EPHA5: variants seen among roughly 807,000 people sequenced by gnomAD.
The protein encoded by EPHA5 is EPH receptor A5.
A neutral mutation model predicts 105.0 loss-of-function variants in EPHA5; 60 were observed. The ratio of observed to expected loss-of-function variants is 0.57; its 90% CI spans 0.46 to 0.71. EPHA5 has a LOEUF of 0.71. Among genes scored for constraint, EPHA5 ranks in the 30% least tolerant of loss-of-function variants. EPHA5 has a pLI of 0.00. For synonymous variants in EPHA5, 513 were observed against 449.1 expected (o/e 1.14, Z -1.80); for missense variants, 1,218 against 1,274.7 (o/e 0.96, Z 0.68).
At chr4:65,628,940 G>C (rs939940935) in intron 2 of EPHA5, among the ~76,000 whole-genome samples, 2 of 152,000 alleles carry the variant, frequency 1.3e-5, no homozygotes, top group African/African-American at 2.4e-5. Flanking sequence ...CTGTAGAGTA[G>C]AACATATGAA....
intron 2 of EPHA5, among the ~76,000 whole-genome samples, chr4:65,623,413 GC>G (rs5858975): frequency 0.23 from 34,337 of 151,694 alleles, 4,785 homozygotes; most frequent in Middle Eastern, 0.38. Context: ...TACTCACTAT[GC>G]TGTGGAGACA....
At chr4:65,480,510 T>C (rs1014711775) in intron 5 of EPHA5, among the ~76,000 whole-genome samples, 1 of 152,174 alleles carries the variant, frequency 6.6e-6, no homozygotes, top group African/African-American at 2.4e-5. Flanking sequence ...GTTCTCGTTT[T>C]TGGCTTTCTG....
At chr4:65,644,820 C>A (rs1747978916) in intron 1 of EPHA5, among the ~76,000 whole-genome samples, 1 of 151,656 alleles carries the variant, frequency 6.6e-6, no homozygotes, top group Admixed American at 6.6e-5. Context: ...AACTTAAAAT[C>A]TGTAGAAAAA....
At chr4:65,604,390 A>G (rs1744027334) in intron 2 of EPHA5, among the ~76,000 whole-genome samples, 1 of 152,226 alleles carries the variant, frequency 6.6e-6, no homozygotes, top group African/African-American at 2.4e-5. Flanking sequence ...GATGGAAACT[A>G]TAATTTTCTT....
chr4:65,501,959 C>A lies in EPHA5; in HGVS notation c.911-6416G>T, dbSNP rs188474938. ...CCAGAATAAAACTGCACACCTACAA[C>A]CTTTTGATCTTTTACAAAGCCAACA... On this transcript the variant is annotated intron_variant, in intron 3 of 16. Transcript: ENST00000613740. Among the ~76,000 whole-genome samples, 340 of 151,772 alleles carry A rather than the reference C, an allele frequency of 2.2e-3. 1 individual carries two copies. The highest frequency in any genetic ancestry group is 6.2e-3 in the African/African-American group (257 of 41,462).
intron 3 of EPHA5, among the ~76,000 whole-genome samples, chr4:65,582,367 C>A (rs1741710812): frequency 6.6e-6 from 1 of 151,112 alleles, no homozygotes; most frequent in South Asian, 2.1e-4. Context: ...AACTGTGCAT[C>A]AGATAAGCAA....
At chr4:65,465,381 G>A (rs767324207) in intron 5 of EPHA5, among the ~76,000 whole-genome samples, 2 of 151,302 alleles carry the variant, frequency 1.3e-5, no homozygotes, top group South Asian at 2.1e-4. Flanking sequence ...AGCCGAGATC[G>A]TGCCATTGCA....
intron 3 of EPHA5, among the ~76,000 whole-genome samples, chr4:65,497,784 T>A (rs1418557334): frequency 6.6e-6 from 1 of 152,000 alleles, no homozygotes; most frequent in Admixed American, 6.6e-5. Flanking sequence ...TTTGGAAATA[T>A]AAAATAATAT....
chr4:65,333,850 C>T (rs1029220490), intron 15 of EPHA5, among the ~76,000 whole-genome samples: 1 of 151,518 alleles, frequency 6.6e-6, no homozygotes, highest in South Asian at 2.1e-4. Context: ...CAAGACCACA[C>T]TCCTCATCTC....
intron 14 of EPHA5, among the ~76,000 whole-genome samples, chr4:65,344,355 A>G (rs1722017191): frequency 6.6e-6 from 1 of 152,160 alleles, no homozygotes; most frequent in African/African-American, 2.4e-5. Context: ...GAACATAAGA[A>G]AGCCTAGTCA....
intron 3 of EPHA5, among the ~76,000 whole-genome samples, chr4:65,577,137 T>A (rs1001081255): frequency 1.1e-4 from 16 of 152,322 alleles, no homozygotes; most frequent in African/African-American, 3.6e-4. Context: ...TCTTTGTTTG[T>A]TAATTATTAT....
intron 3 of EPHA5, among the ~76,000 whole-genome samples, chr4:65,601,140 G>T (rs1339761965): frequency 6.6e-6 from 1 of 152,114 alleles, no homozygotes; most frequent in African/African-American, 2.4e-5. Context: ...AATCCTGTCA[G>T]TTTACAAATG....
chr4:65,431,135 C>T (rs1724930663), intron 5 of EPHA5, among the ~76,000 whole-genome samples: 1 of 152,130 alleles, frequency 6.6e-6, no homozygotes, highest in Non-Finnish European at 1.5e-5. Flanking sequence ...GATAAATCCT[C>T]ACAACGATTA....
At chr4:65,487,172 G>T (rs1408246166) in intron 5 of EPHA5, among the ~76,000 whole-genome samples, 2 of 152,138 alleles carry the variant, frequency 1.3e-5, no homozygotes, top group African/African-American at 4.8e-5. Flanking sequence ...CCAGTCTCAG[G>T]TATTTATAGC....
At chr4:65,650,526 C>G (rs543533665) in intron 1 of EPHA5, among the ~76,000 whole-genome samples, 1 of 140,362 alleles carries the variant, frequency 7.1e-6, no homozygotes, top group South Asian at 2.2e-4. Flanking sequence ...CGCCACTGCA[C>G]TTCAGCCTGG....
In EPHA5 at chr4:65,495,462, T is replaced by A; in HGVS notation, c.992A>T (p.Glu331Val). The change falls in exon 4 of 17, where the codon GAA becomes GTA. Residue 331 changes from glutamate (E) to valine (V), a missense_variant. Physicochemically the swap from Glu to Val is moderately radical, Grantham distance 121. Around this residue, in one of 3 missense-constraint regions of EPHA5, gnomAD observed 971 missense variants for 1,013.5 expected, o/e 0.96. Coordinates refer to ENST00000613740, the MANE Select transcript of EPHA5 (RefSeq NM_001281766.3). ...KCPPHSYTHEEASTSCVCEKD... is the reference protein window; with the variant it reads ...KCPPHSYTHEVASTSCVCEKD... ...TTCACAGACACAAGAGGTTGAAGCT[T>A]CCTCATGGGTATAACTGTGAGGTGG... is the stretch of plus-strand genomic sequence containing the variant. 1 of 1,613,918 alleles carries A rather than the reference T, an allele frequency of 6.2e-7. No homozygotes were observed. Among genetic ancestry groups the A allele is most frequent in the Non-Finnish European group, 8.5e-7 (1 of 1,179,852 alleles).
intron 3 of EPHA5, among the ~76,000 whole-genome samples, chr4:65,600,064 T>C: frequency 6.6e-6 from 1 of 152,280 alleles, no homozygotes; most frequent in Non-Finnish European, 1.5e-5. Context: ...TACGTTGTTT[T>C]ATAATACTAA....
chr4:65,431,772 T>A (rs1029725228), intron 5 of EPHA5, among the ~76,000 whole-genome samples: 4 of 152,144 alleles, frequency 2.6e-5, no homozygotes, highest in African/African-American at 9.7e-5. Context: ...AGTTAGATCA[T>A]TCCTCTGAAA....
Position 65,544,058 on chromosome 4 carries a change from C to A in EPHA5, c.911-48515G>T, listed in dbSNP as rs1404878650. On this transcript the variant is annotated intron_variant, in intron 3 of 16. Transcript: ENST00000613740. ...GAAACTGGACCCCTTCTTTACACAC[C>A]TTATACAAAAGTTAACTCAAGATGG... 3.3e-5 allele frequency among the ~76,000 whole-genome samples: 5 copies of A among 151,880 alleles called. No individual in the cohort carries two copies. In the South Asian group the frequency reaches 6.2e-4, roughly 19 times the overall value.
Sources: allele counts gnomAD v4.1 joint callset (sites outside exome capture counted in the v4.1 genomes callset), GRCh38; gene constraint gnomAD v4.1.1; regional missense constraint gnomAD v4.1.1; transcripts MANE v1.5; gene names NCBI Gene and HGNC (gene_info 2026-07-23, HGNC 2026-07-21).